Variants in PKD1L1 observed in about 807,000 individuals in gnomAD.
The protein encoded by PKD1L1 is polycystin-1-like protein 1.
PKD1L1 carries 236 observed loss-of-function variants against 323.4 expected under a neutral mutation model. The observed-to-expected ratio is 0.73, with a 90% confidence interval of 0.66 to 0.81. PKD1L1 has a LOEUF of 0.81. Ranked by LOEUF, PKD1L1 falls within the 40% of genes least tolerant of loss-of-function variation. PKD1L1 has a pLI of 0.00. For missense variants in PKD1L1, 3,320 were observed against 3,508.0 expected (o/e 0.95, Z 1.35); for synonymous variants, 1,344 against 1,335.0 (o/e 1.01, Z -0.15).
intron 7 of PKD1L1, among the ~76,000 whole-genome samples, chr7:47,917,404 T>TG (rs35792645): frequency 0.11 from 17,196 of 152,088 alleles, 1,135 homozygotes; most frequent in East Asian, 0.26. Context: ...AAAACATATG[T>TG]GGGGGAATGA....
At chr7:47,815,513 C>T (rs1043517520) in intron 46 of PKD1L1, 56 bp from the exon 47 acceptor site, 15 of 1,572,814 alleles carry the variant, frequency 9.5e-6, no homozygotes, top group Middle Eastern at 1.7e-4. Flanking sequence ...AACAATGAAA[C>T]GTGAGAACAA....
intron 21 of PKD1L1, among the ~76,000 whole-genome samples, chr7:47,878,506 G>A (rs956499425): frequency 1.1e-4 from 16 of 152,164 alleles, no homozygotes; most frequent in Admixed American, 3.3e-4. Flanking sequence ...CACACCAGGT[G>A]CCCTGCTAGA....
chr7:47,898,802 T>C (rs1424000615), intron 13 of PKD1L1, among the ~76,000 whole-genome samples: 1 of 152,078 alleles, frequency 6.6e-6, no homozygotes, highest in Non-Finnish European at 1.5e-5. Flanking sequence ...GTTCTTAGTA[T>C]AATTTAAACC....
intron 18 of PKD1L1, among the ~76,000 whole-genome samples, chr7:47,885,159 G>T (rs1168241327): frequency 2.6e-5 from 4 of 152,178 alleles, no homozygotes; most frequent in Admixed American, 6.5e-5. Flanking sequence ...AAGTCTGGGA[G>T]GCCTGGAGCA....
At chr7:47,955,408 A>T in the PKD1L1 span, among the ~76,000 whole-genome samples, 1 of 152,224 alleles carries the variant, frequency 6.6e-6, no homozygotes, top group South Asian at 2.1e-4. Context: ...TAGTAATACA[A>T]TTTCTAGAAA....
chr7:47,898,788 A>G (rs187023700), intron 13 of PKD1L1, among the ~76,000 whole-genome samples: 17 of 152,284 alleles, frequency 1.1e-4, no homozygotes, highest in Admixed American at 9.8e-4. Flanking sequence ...AAAATTAACA[A>G]TAAGTTCTTA....
chr7:47,834,949 GT>G lies in PKD1L1; in HGVS notation c.6127+17del, dbSNP rs1385987823. 14 of 1,610,012 alleles carry G rather than the reference GT, an allele frequency of 8.7e-6. No homozygotes were observed. The highest frequency in any genetic ancestry group is 1.2e-5 in the Non-Finnish European group (14 of 1,176,780). On this transcript the variant is annotated intron_variant, in intron 39 of 56. Transcript: ENST00000289672. ...TCAGCCCCACGGAGAGTTTCTGAGA[GT>G]TTTAATGTACATTTACCATGGGGTG...
At chr7:47,904,699 C>A in intron 11 of PKD1L1, 82 bp from the exon 12 acceptor site, 3 of 1,452,346 alleles carry the variant, frequency 2.1e-6, no homozygotes, top group Non-Finnish European at 2.8e-6. Flanking sequence ...GTCTGCTATA[C>A]TTTAAGAGGA....
chr7:47,852,119 G>A (rs1472008087), intron 31 of PKD1L1, among the ~76,000 whole-genome samples: 2 of 152,084 alleles, frequency 1.3e-5, no homozygotes, highest in African/African-American at 4.8e-5. Flanking sequence ...CATGGGGCCT[G>A]CAACTTTCTC....
chr7:47,948,652 ATTCC>A (rs1788151186), upstream of PKD1L1, among the ~76,000 whole-genome samples: 2 of 152,180 alleles, frequency 1.3e-5, no homozygotes, highest in South Asian at 4.1e-4. Flanking sequence ...TGTCAGACAA[ATTCC>A]TTCCTAAGAA....
Position 47,796,097 on chromosome 7 carries a change from T to C in PKD1L1, c.8247A>G (p.Lys2749=), listed in dbSNP as rs775725296. The change falls in exon 55 of 57, where the codon AAA becomes AAG. Residue 2749 remains lysine, a synonymous_variant. Coordinates refer to ENST00000289672, the MANE Select transcript of PKD1L1 (RefSeq NM_138295.5). Reference sequence around the variant, plus strand: ...TGACATCTTTAAGTCTCACAAAAGATTTACTTTGAAAAGATTTTCTTTTTT... The same window carrying C: ...TGACATCTTTAAGTCTCACAAAAGACTTACTTTGAAAAGATTTTCTTTTTT... The part of the protein sequence containing the change: ...LPQKRKSFQS[K]SFVRLKDVTA... 2 of 1,610,960 alleles carry C rather than the reference T, an allele frequency of 1.2e-6. No individual in the cohort carries two copies. Among genetic ancestry groups the C allele is most frequent in the Non-Finnish European group, 8.5e-7 (1 of 1,178,616 alleles).
intron 13 of PKD1L1, 22 bp from the exon 14 acceptor site, chr7:47,898,216 T>C (rs745910363): frequency 6.3e-7 from 1 of 1,594,064 alleles, no homozygotes; most frequent in South Asian, 1.1e-5. Context: ...GAAGAGAAGA[T>C]GTCTCATTAA....
intron 50 of PKD1L1, among the ~76,000 whole-genome samples, chr7:47,809,918 A>T (rs1256158677): frequency 6.6e-6 from 1 of 152,232 alleles, no homozygotes; most frequent in African/African-American, 2.4e-5. Flanking sequence ...GGCACTGCTC[A>T]AAAGAGTGAG....
chr7:47,929,065 A>T, intron 7 of PKD1L1, 139 bp downstream of exon 7: 1 of 826,962 alleles, frequency 1.2e-6, no homozygotes, highest in Non-Finnish European at 1.9e-6. Flanking sequence ...CCACTGAGCT[A>T]CTATTCTTGG....
intron 26 of PKD1L1, among the ~76,000 whole-genome samples, chr7:47,861,225 T>C (rs1453894291): frequency 6.6e-6 from 1 of 152,218 alleles, no homozygotes; most frequent in Non-Finnish European, 1.5e-5. Context: ...CTAATACAGT[T>C]TGTATCTTAA....
chr7:47,956,359 C>G, the PKD1L1 span, among the ~76,000 whole-genome samples: 3 of 152,202 alleles, frequency 2.0e-5, no homozygotes, highest in Non-Finnish European at 4.4e-5. Flanking sequence ...CCTGGAAGCA[C>G]TGCAGGTGCC....
chr7:47,923,968 A>G (rs1173932801), intron 7 of PKD1L1, among the ~76,000 whole-genome samples: 1 of 152,162 alleles, frequency 6.6e-6, no homozygotes, highest in Non-Finnish European at 1.5e-5. Flanking sequence ...GTCTTCATTA[A>G]GAGAGGAAAA....
chr7:47,821,605 G>A (rs981362166), intron 45 of PKD1L1, among the ~76,000 whole-genome samples: 2 of 151,586 alleles, frequency 1.3e-5, no homozygotes, highest in African/African-American at 4.8e-5. Context: ...TTAAATCCCT[G>A]GGAGAAAATT....
At chr7:47,933,207 G>C (rs1263841349) in intron 4 of PKD1L1, among the ~76,000 whole-genome samples, 2 of 149,472 alleles carry the variant, frequency 1.3e-5, no homozygotes, top group Admixed American at 6.7e-5. Context: ...TTGCTATGTG[G>C]GTTCTAAACT....
Sources: allele counts gnomAD v4.1 joint callset (sites outside exome capture counted in the v4.1 genomes callset), GRCh38; gene constraint gnomAD v4.1.1; transcripts MANE v1.5; gene names NCBI Gene and HGNC (gene_info 2026-07-23, HGNC 2026-07-21).